LHFPL6: variants seen among roughly 807,000 people sequenced by gnomAD.
LHFPL6 encodes LHFPL tetraspan subfamily member 6.
Under a neutral mutation model 20.6 loss-of-function variants are expected in LHFPL6, and 9 were observed. The ratio of observed to expected loss-of-function variants is 0.44; its 90% confidence interval spans 0.26 to 0.76. The LOEUF is 0.76. Among genes scored for constraint, LHFPL6 ranks in the 30% least tolerant of loss-of-function variants. The pLI, the probability that LHFPL6 is intolerant of heterozygous loss-of-function variation, is 0.20. For missense variants in LHFPL6, 218 were observed against 253.5 expected (o/e 0.86, Z 0.95); for synonymous variants, 105 against 98.7 (o/e 1.06, Z -0.38).
At chr13:39,584,428 G>C (rs1017432505) in intron 2 of LHFPL6, among the ~76,000 whole-genome samples, 1 of 151,154 alleles carries the variant, frequency 6.6e-6, no homozygotes, top group African/African-American at 2.4e-5. Flanking sequence ...TCAGGAGGCT[G>C]AGGCAGGAGA....
intron 2 of LHFPL6, among the ~76,000 whole-genome samples, chr13:39,490,966 C>T (rs1868906194): frequency 2.0e-5 from 3 of 152,136 alleles, no homozygotes; most frequent in Admixed American, 2.0e-4. Context: ...ACTCAAACTC[C>T]ACTGGAATGA....
At chr13:39,437,232 C>T (rs979660296) in intron 2 of LHFPL6, among the ~76,000 whole-genome samples, 1 of 152,140 alleles carries the variant, frequency 6.6e-6, no homozygotes, top group African/African-American at 2.4e-5. Context: ...ATCTGACTCC[C>T]TACCCAAATA....
Position 39,512,612 on chromosome 13 carries a change from A to AAAAAGAAAG in LHFPL6, c.385+88219_385+88220insCTTTCTTTT, listed in dbSNP as rs1432715224. Among the ~76,000 whole-genome samples the AAAAAGAAAG allele has an allele frequency of 6.5e-3, 813 of 125,682 alleles. 20 individuals carry two copies. Among genetic ancestry groups the AAAAAGAAAG allele is most frequent in the African/African-American group, 0.025 (777 of 31,374 alleles). 82.5% of individuals were successfully genotyped at this position (125,682 alleles called of 152,430 possible). A position where few individuals can be genotyped will look rare whatever the true frequency, so the allele number is the denominator to read the frequency against. On this transcript the variant is annotated intron_variant, in intron 2 of 3. Transcript: ENST00000379589. ...GCGAGCCTCCGTCTCAAAAAAAAAA[A>AAAAAGAAAG]AAAGAAAAGAAAAAGAAATCAGACC...
intron 2 of LHFPL6, among the ~76,000 whole-genome samples, chr13:39,483,971 T>C (rs924309388): frequency 6.6e-6 from 1 of 152,214 alleles, no homozygotes; most frequent in African/African-American, 2.4e-5. Context: ...CTTAGTTGAA[T>C]AAGTTATTTT....
chr13:39,566,544 G>C (rs1045680436), intron 2 of LHFPL6, among the ~76,000 whole-genome samples: 2 of 151,528 alleles, frequency 1.3e-5, no homozygotes, highest in South Asian at 2.1e-4. Context: ...AGTTTGAGAC[G>C]AGCCTAGGCA....
chr13:39,362,733 C>G (rs1404107261), intron 3 of LHFPL6, among the ~76,000 whole-genome samples: 1 of 152,212 alleles, frequency 6.6e-6, no homozygotes, highest in African/African-American at 2.4e-5. Flanking sequence ...GGCCACATCC[C>G]ATCTAACACA....
intron 2 of LHFPL6, among the ~76,000 whole-genome samples, chr13:39,489,455 A>C (rs1868838285): frequency 6.6e-6 from 1 of 152,120 alleles, no homozygotes; most frequent in South Asian, 2.1e-4. Flanking sequence ...GCTCCTTCTT[A>C]ATCTTAAAAT....
At chr13:39,350,944 G>A (rs1869554461) in intron 3 of LHFPL6, among the ~76,000 whole-genome samples, 1 of 152,086 alleles carries the variant, frequency 6.6e-6, no homozygotes, top group Non-Finnish European at 1.5e-5. Flanking sequence ...CAGAAAGAGA[G>A]GTACAAAGAA....
chr13:39,471,747 G>A (rs1205500241), intron 2 of LHFPL6, among the ~76,000 whole-genome samples: 1 of 152,198 alleles, frequency 6.6e-6, no homozygotes, highest in Non-Finnish European at 1.5e-5. Context: ...ACCTTGTAGA[G>A]AAATTAACCA....
At chr13:39,486,201 G>T (rs1343432689) in intron 2 of LHFPL6, among the ~76,000 whole-genome samples, 1 of 152,116 alleles carries the variant, frequency 6.6e-6, no homozygotes, top group Non-Finnish European at 1.5e-5. Context: ...ATTTCTAGTG[G>T]GACAAGACCT....
At chr13:39,483,056 C>T (rs907494118) in intron 2 of LHFPL6, among the ~76,000 whole-genome samples, 1 of 152,050 alleles carries the variant, frequency 6.6e-6, no homozygotes, top group African/African-American at 2.4e-5. Flanking sequence ...TGTTGCAATA[C>T]TTTTTTTGTA....
At position 39,358,079 on chromosome 13, in the gene LHFPL6, G is replaced by A. The variant is rs1038996222; in HGVS notation, c.485-14025C>T. On this transcript the variant is annotated intron_variant, in intron 3 of 3. Transcript: ENST00000379589. ...TTCGTATGGAACCAAAAAAGAGCCCGAATAACCAAAGCAATCCTAAGAAAA... is the reference window on the plus strand; with the variant it reads ...TTCGTATGGAACCAAAAAAGAGCCCAAATAACCAAAGCAATCCTAAGAAAA... Among the ~76,000 whole-genome samples, 8 of 151,938 alleles carry A rather than the reference G, an allele frequency of 5.3e-5. No individual in the cohort carries two copies. In the East Asian group the frequency reaches 5.8e-4, roughly 11 times the overall value.
At chr13:39,582,580 G>A (rs969129646) in intron 2 of LHFPL6, among the ~76,000 whole-genome samples, 4 of 152,150 alleles carry the variant, frequency 2.6e-5, no homozygotes, top group Admixed American at 6.5e-5. Flanking sequence ...AGATCTGAAC[G>A]TACCCTTGCC....
chr13:39,409,522 C>T (rs1176897770), intron 2 of LHFPL6, among the ~76,000 whole-genome samples: 1 of 152,150 alleles, frequency 6.6e-6, no homozygotes, highest in African/African-American at 2.4e-5. Flanking sequence ...ATGACCACCA[C>T]TGATAGGCAT....
chr13:39,406,836 T>C (rs1311730940), intron 2 of LHFPL6, among the ~76,000 whole-genome samples: 1 of 152,242 alleles, frequency 6.6e-6, no homozygotes, highest in Non-Finnish European at 1.5e-5. Flanking sequence ...AACAATTTTG[T>C]GGTCATGCTG....
intron 2 of LHFPL6, among the ~76,000 whole-genome samples, chr13:39,515,503 T>C (rs1393129077): frequency 6.6e-6 from 1 of 152,262 alleles, no homozygotes; most frequent in Non-Finnish European, 1.5e-5. Context: ...TATTGCTAGA[T>C]AAAGGCTGTC....
At chr13:39,511,384 A>G (rs1487821855) in intron 2 of LHFPL6, among the ~76,000 whole-genome samples, 1 of 152,022 alleles carries the variant, frequency 6.6e-6, no homozygotes, top group Admixed American at 6.6e-5. Context: ...AAAAAATAAC[A>G]TATTTCCTCC....
chr13:39,589,178 T>C (rs1312167872), intron 2 of LHFPL6, among the ~76,000 whole-genome samples: 1 of 152,104 alleles, frequency 6.6e-6, no homozygotes, highest in African/African-American at 2.4e-5. Context: ...GCCACCTCGG[T>C]TCACTGCAGC....
chr13:39,393,545 G>T (rs1870764311), intron 2 of LHFPL6, among the ~76,000 whole-genome samples: 1 of 152,142 alleles, frequency 6.6e-6, no homozygotes, highest in South Asian at 2.1e-4. Flanking sequence ...GGCACAAAAT[G>T]AAAACAAGAG....
Sources: gnomAD v4.1 joint callset for allele counts (sites outside exome capture counted in the v4.1 genomes callset) on GRCh38, gnomAD v4.1.1 for gene constraint, MANE v1.5 for transcripts, NCBI Gene and HGNC (gene_info 2026-07-23, HGNC 2026-07-21) for gene names.